The following CACNA1I variants were observed in gnomAD, a reference collection of about 807,000 sequenced individuals.
CACNA1I encodes the protein calcium voltage-gated channel subunit alpha1 I, also known as voltage-dependent T-type calcium channel subunit alpha-1I.
Under a neutral mutation model 201.6 loss-of-function variants are expected in CACNA1I, and 74 were observed. The ratio of observed to expected loss-of-function variants is 0.37; its 90% CI spans 0.30 to 0.45. The LOEUF (loss-of-function observed/expected upper bound fraction) is 0.45. CACNA1I is among the 20% of genes least tolerant of loss of function. The pLI is 1.00. For synonymous variants in CACNA1I, 1,431 were observed against 1,345.2 expected, an observed-to-expected ratio of 1.06 and a Z score of -1.40; for missense variants, 2,346 against 3,138.1, an observed-to-expected ratio of 0.75 and a Z score of 6.03.
rs1189918974 is a variant in CACNA1I, at chr22:39,648,348, G to A, written c.1567+422G>A. On this transcript the variant is annotated intron_variant, in intron 9 of 36. Transcript: ENST00000402142. The surrounding 1 kb of genome is among the most constrained non-coding windows in gnomAD (Gnocchi z 5.4). Reference sequence around the variant, plus strand: ...GCTGGCACTGGTGTTGCTGGAGGACGTGGGGGAGAAGTGTTCACTCCAACG... The same window carrying A: ...GCTGGCACTGGTGTTGCTGGAGGACATGGGGGAGAAGTGTTCACTCCAACG... 6.6e-6 allele frequency among the ~76,000 whole-genome samples: 1 copy of A among 152,310 alleles called. No individual in the cohort carries two copies. Among genetic ancestry groups the A allele is most frequent in the East Asian group, 1.9e-4 (1 of 5,152 alleles).
rs556164923 is a variant in CACNA1I at position 39,662,844 on chromosome 22, C to T, written c.3441C>T (p.Asp1147=). The change falls in exon 18 of 37, where the codon GAC becomes GAT. Residue 1147 remains aspartate, a synonymous_variant. Transcript: ENST00000402142. The part of the protein sequence containing the change: ...YKPDWCEVRE[D]WSVYLFSPEN... ...CCGACTGGTGCGAGGTCCGCGAAGA[C>T]TGGTCTGTCTACCTCTTCTCTCCCG... 28 of 1,600,532 alleles carry T rather than the reference C, an allele frequency of 1.7e-5. No homozygotes were observed. In the South Asian group the frequency reaches 2.7e-4, roughly 16 times the overall value.
chr22:39,642,380 G>A (rs866518344), intron 6 of CACNA1I, among the ~76,000 whole-genome samples: 3 of 152,026 alleles, frequency 2.0e-5, no homozygotes, highest in Non-Finnish European at 4.4e-5. Context: ...ATTGCGGTGT[G>A]CACTCCCAGG....
intron 1 of CACNA1I, among the ~76,000 whole-genome samples, chr22:39,592,939 G>A (rs1467237468): frequency 6.6e-6 from 1 of 152,234 alleles, no homozygotes; most frequent in African/African-American, 2.4e-5. Context: ...GAGCCAGTGG[G>A]GAGTGTGTCA....
rs1215742896 is a variant in CACNA1I at position 39,676,971 on chromosome 22, T to A, written c.4855-370T>A. On this transcript the variant is annotated intron_variant, in intron 29 of 36. Transcript: ENST00000402142. The surrounding 1 kb of genome is among the most constrained non-coding windows in gnomAD (Gnocchi z 4.8). ...GACCCTTGTCCTACCAGTTACTAGC[T>A]GTGCGACTCTGGACAAGTGATGTCA... 6.6e-6 allele frequency among the ~76,000 whole-genome samples: 1 copy of A among 152,234 alleles called. No homozygotes were observed. The highest frequency in any genetic ancestry group is 1.5e-5 in the Non-Finnish European group (1 of 68,036).
chr22:39,679,925 G>C (rs1033484715), intron 33 of CACNA1I, 57 bp downstream of exon 33: 3 of 1,548,080 alleles, frequency 1.9e-6, no homozygotes, highest in Non-Finnish European at 1.8e-6. Context: ...GAAACCTGGT[G>C]GGGGGCCTGT....
At chr22:39,613,675 G>C (rs1933446260) in intron 3 of CACNA1I, among the ~76,000 whole-genome samples, 1 of 152,186 alleles carries the variant, frequency 6.6e-6, no homozygotes, top group Non-Finnish European at 1.5e-5. Context: ...CTAGTGCTGT[G>C]GTGGGCGCTG....
chr22:39,585,209 G>T (rs1419925356), intron 1 of CACNA1I, among the ~76,000 whole-genome samples: 1 of 151,828 alleles, frequency 6.6e-6, no homozygotes, highest in East Asian at 1.9e-4. Context: ...ACAGGCATGT[G>T]CCACTGTGCC....
intron 1 of CACNA1I, among the ~76,000 whole-genome samples, chr22:39,577,075 C>G (rs1334227733): frequency 1.3e-5 from 2 of 152,194 alleles, no homozygotes; most frequent in East Asian, 3.8e-4. Context: ...CCTCAGCCTC[C>G]TGAGTAGCTG....
intron 5 of CACNA1I, among the ~76,000 whole-genome samples, chr22:39,639,674 C>A (rs1022401288): frequency 6.6e-6 from 1 of 152,180 alleles, no homozygotes; most frequent in South Asian, 2.1e-4. Context: ...TGGGATCCAA[C>A]TATTATTTCC....
Position 39,670,239 on chromosome 22 carries a change from G to C in CACNA1I, c.4387+9G>C. On this transcript the variant is annotated intron_variant, in intron 25 of 36. Coordinates refer to ENST00000402142, the MANE Select transcript of CACNA1I (RefSeq NM_021096.4). The stretch of plus-strand genomic sequence containing the variant: ...GGAGAAGAAGCGCCGGAGTGAGTGG[G>C]TGCCTGTGGAGGGCGTGGGCCACCC... 2 of 1,609,948 alleles carry C rather than the reference G, an allele frequency of 1.2e-6. No homozygotes were observed. The highest frequency in any genetic ancestry group is 1.7e-6 in the Non-Finnish European group (2 of 1,179,372).
chr22:39,646,516 C>T, intron 7 of CACNA1I, 53 bp from the exon 8 acceptor site: 2 of 1,494,410 alleles, frequency 1.3e-6, no homozygotes, highest in South Asian at 1.4e-5. Flanking sequence ...TCTCACCCTT[C>T]TGTCCCCTCC....
At chr22:39,600,314 T>G (rs1932996140) in intron 2 of CACNA1I, among the ~76,000 whole-genome samples, 2 of 152,036 alleles carry the variant, frequency 1.3e-5, no homozygotes, top group African/African-American at 4.8e-5. Context: ...CTCATTCCCG[T>G]CTCTGGGCCA....
Position 39,670,807 on chromosome 22 carries a change from C to T in CACNA1I, c.4392C>T (p.Ala1464=), listed in dbSNP as rs1174672066. The change falls in exon 26 of 37, where the codon GCC becomes GCT. Residue 1464 remains alanine (A), a synonymous_variant. Coordinates refer to ENST00000402142, the MANE Select transcript of CACNA1I (RefSeq NM_021096.4). ...CTCCCCCTGCACCACCTGCAGAGGCCCAGCGGCTGCCCTACTATGCCACCT... is the reference window on the plus strand; with the variant it reads ...CTCCCCCTGCACCACCTGCAGAGGCTCAGCGGCTGCCCTACTATGCCACCT... ...LRRLEKKRRK[A]QRLPYYATYC... is the part of the protein sequence containing the mutation. 1.2e-6 allele frequency: 2 copies of T among 1,613,780 alleles called. No homozygotes were observed. The highest frequency in any genetic ancestry group is 1.7e-6 in the Non-Finnish European group (2 of 1,179,860).
chr22:39,662,951 C>A (rs1935075258), intron 18 of CACNA1I, 75 bp downstream of exon 18: 1 of 1,039,564 alleles, frequency 9.6e-7, no homozygotes, highest in Non-Finnish European at 1.5e-6. Context: ...CCAAGCCAGG[C>A]AAGGCCATTG....
intron 2 of CACNA1I, 118 bp from the exon 3 acceptor site, chr22:39,600,402 G>C: frequency 1.3e-6 from 1 of 770,678 alleles, no homozygotes; most frequent in Non-Finnish European, 2.1e-6. Context: ...GAGTTTCCGG[G>C]TGTTTCCCAG....
intron 25 of CACNA1I, among the ~76,000 whole-genome samples, chr22:39,670,511 A>G (rs1825913961): frequency 1.3e-5 from 2 of 152,200 alleles, no homozygotes; most frequent in South Asian, 2.1e-4. Context: ...GCCCTGGGCC[A>G]TGGGAAACCT....
chr22:39,598,433 C>T (rs1158517434), intron 2 of CACNA1I, among the ~76,000 whole-genome samples, 171 bp downstream of exon 2: 2 of 151,666 alleles, frequency 1.3e-5, no homozygotes, highest in Non-Finnish European at 2.9e-5. Context: ...AGCGCTGCCG[C>T]ACTCAGCCAC....
chr22:39,646,077 G>A (rs1934477494), intron 7 of CACNA1I, among the ~76,000 whole-genome samples: 1 of 152,114 alleles, frequency 6.6e-6, no homozygotes, highest in African/African-American at 2.4e-5. Context: ...GGGCCTAGGG[G>A]TCTGAGGGGA....
chr22:39,682,905 G>A (rs911430967), intron 35 of CACNA1I, among the ~76,000 whole-genome samples: 1 of 152,140 alleles, frequency 6.6e-6, no homozygotes, highest in Non-Finnish European at 1.5e-5. Context: ...AGCATCTAAA[G>A]GAAGCTTCAT....
Sources: gnomAD v4.1 joint callset for allele counts (sites outside exome capture counted in the v4.1 genomes callset) on GRCh38, gnomAD v4.1.1 for gene constraint, Gnocchi (gnomAD v3.1) non-coding constraint, MANE v1.5 for transcripts, NCBI Gene and HGNC (gene_info 2026-07-23, HGNC 2026-07-21) for gene names.